CAMK1D: variants seen among roughly 807,000 people sequenced by gnomAD.
CAMK1D encodes calcium/calmodulin dependent protein kinase ID.
A neutral mutation model predicts 47.7 loss-of-function variants in CAMK1D; 9 were observed. That is an observed-to-expected ratio of 0.19 (90% CI 0.11 to 0.33). The LOEUF (loss-of-function observed/expected upper bound fraction) is 0.33. Ranked by LOEUF, CAMK1D falls within the 10% of genes least tolerant of loss-of-function variation. The pLI is 1.00. For missense variants in CAMK1D, 291 were observed against 488.7 expected (o/e 0.60, Z 3.81); for synonymous variants, 184 against 184.9 (o/e 0.99, Z 0.04).
chr10:12,718,690 A>T lies in CAMK1D; in HGVS notation c.300-42258A>T, dbSNP rs78591815. On this transcript the variant is annotated intron_variant, in intron 3 of 10. Coordinates refer to ENST00000619168, the MANE Select transcript of CAMK1D (RefSeq NM_153498.4). Reference sequence around the variant, plus strand: ...TTTAATGATTTAAAAACAGGTTATGATACAAGATCTTCAAAATGGTTTTAC... The same window carrying T: ...TTTAATGATTTAAAAACAGGTTATGTTACAAGATCTTCAAAATGGTTTTAC... 5.4e-3 allele frequency among the ~76,000 whole-genome samples: 816 copies of T among 152,298 alleles called. 8 individuals carry two copies. Among genetic ancestry groups the T allele is most frequent in the African/African-American group, 0.018 (740 of 41,556 alleles).
intron 2 of CAMK1D, among the ~76,000 whole-genome samples, chr10:12,619,057 GC>G (rs1179761166): frequency 1.3e-5 from 2 of 152,174 alleles, no homozygotes; most frequent in Non-Finnish European, 2.9e-5. Context: ...TTTTAAAGAA[GC>G]CATTGAATCT....
At chr10:12,550,651 C>G (rs1836547048) in intron 1 of CAMK1D, among the ~76,000 whole-genome samples, 1 of 152,158 alleles carries the variant, frequency 6.6e-6, no homozygotes. Context: ...GATGATTGTT[C>G]TGGCAGGTTC....
chr10:12,659,795 G>A (rs1029192203), intron 2 of CAMK1D, among the ~76,000 whole-genome samples: 48 of 152,198 alleles, frequency 3.2e-4, no homozygotes, highest in African/African-American at 1.1e-3. Flanking sequence ...AGCTTTCTGG[G>A]CTGCTTAGAG....
At position 12,766,622 on chromosome 10, in the gene CAMK1D, G is replaced by A. The variant is rs181618696; in HGVS notation, c.439-3051G>A. 3.6e-3 allele frequency among the ~76,000 whole-genome samples: 546 copies of A among 152,002 alleles called. 3 individuals carry two copies. Among genetic ancestry groups the A allele is most frequent in the African/African-American group, 0.013 (524 of 41,438 alleles). On this transcript the variant is annotated intron_variant, in intron 4 of 10. Transcript: ENST00000619168. The stretch of plus-strand genomic sequence containing the variant: ...ATAATAATTTATTGGGCTGCTTTTT[G>A]TTAGAAGGGAAGCCTTGCCGAGGAC...
intron 2 of CAMK1D, among the ~76,000 whole-genome samples, chr10:12,648,856 TATA>T (rs1175075025): frequency 1.3e-5 from 2 of 152,176 alleles, no homozygotes; most frequent in Non-Finnish European, 2.9e-5. Context: ...AGAGATTTTG[TATA>T]ATAGGCATCT....
chr10:12,819,238 A>C (rs187138968), intron 8 of CAMK1D, among the ~76,000 whole-genome samples: 22 of 152,324 alleles, frequency 1.4e-4, no homozygotes, highest in Non-Finnish European at 2.6e-4. Context: ...ACACCATGAG[A>C]AGGCTTGCCC....
intron 1 of CAMK1D, among the ~76,000 whole-genome samples, chr10:12,430,383 C>T (rs1363134634): frequency 6.6e-6 from 1 of 152,228 alleles, no homozygotes; most frequent in South Asian, 2.1e-4. Flanking sequence ...TCTGTGGGTC[C>T]TTTGGCCTCC....
chr10:12,654,878 T>G (rs1458575341), intron 2 of CAMK1D, among the ~76,000 whole-genome samples: 1 of 152,202 alleles, frequency 6.6e-6, no homozygotes, highest in Non-Finnish European at 1.5e-5. Context: ...TACCAGTGGT[T>G]CTCAAACTTG....
At chr10:12,605,565 C>T (rs1275208032) in intron 2 of CAMK1D, among the ~76,000 whole-genome samples, 2 of 152,136 alleles carry the variant, frequency 1.3e-5, no homozygotes, top group African/African-American at 4.8e-5. Context: ...CCACCCTCTT[C>T]TCTGTGATCC....
chr10:12,570,410 G>A (rs988978253), intron 2 of CAMK1D, among the ~76,000 whole-genome samples: 3 of 151,776 alleles, frequency 2.0e-5, no homozygotes, highest in Non-Finnish European at 2.9e-5. Flanking sequence ...TGGGCGCAGT[G>A]GCTCACACCT....
At chr10:12,515,102 A>G (rs1835153064) in intron 1 of CAMK1D, among the ~76,000 whole-genome samples, 2 of 151,656 alleles carry the variant, frequency 1.3e-5, no homozygotes, top group African/African-American at 4.9e-5. Flanking sequence ...ACCTCAGGTG[A>G]TCCACCCCCC....
intron 3 of CAMK1D, among the ~76,000 whole-genome samples, chr10:12,691,637 T>C (rs1024871497): frequency 2.0e-5 from 3 of 151,590 alleles, no homozygotes; most frequent in Non-Finnish European, 4.4e-5. Context: ...GGTTTCACCA[T>C]ATTGGCCAGG....
intron 2 of CAMK1D, among the ~76,000 whole-genome samples, chr10:12,588,866 A>G (rs4747992): frequency 0.18 from 26,189 of 144,314 alleles, 2,451 homozygotes; most frequent in South Asian, 0.33. Context: ...ATATGTATAT[A>G]TGTGTGTGTG....
intron 2 of CAMK1D, among the ~76,000 whole-genome samples, chr10:12,577,954 A>C (rs963633901): frequency 4.6e-5 from 7 of 152,234 alleles, no homozygotes; most frequent in Admixed American, 4.6e-4. Context: ...ATTGGTATTC[A>C]ATGCTAACAG....
chr10:12,767,629 T>A (rs1440889499), intron 4 of CAMK1D, among the ~76,000 whole-genome samples: 4 of 152,306 alleles, frequency 2.6e-5, no homozygotes, highest in African/African-American at 4.8e-5. Flanking sequence ...AATCAGTATG[T>A]GTAAGATGTA....
chr10:12,454,707 C>G (rs1393121810), intron 1 of CAMK1D, among the ~76,000 whole-genome samples: 1 of 151,248 alleles, frequency 6.6e-6, no homozygotes, highest in East Asian at 2.0e-4. Flanking sequence ...AAGTGATCCT[C>G]CTGCCTCAGC....
At chr10:12,678,476 T>C (rs1262754861) in intron 3 of CAMK1D, among the ~76,000 whole-genome samples, 1 of 152,238 alleles carries the variant, frequency 6.6e-6, no homozygotes, top group Non-Finnish European at 1.5e-5. Flanking sequence ...TTGGATGAAG[T>C]GCTCTGCATA....
chr10:12,606,432 G>A (rs1038134258), intron 2 of CAMK1D, among the ~76,000 whole-genome samples: 1 of 152,206 alleles, frequency 6.6e-6, no homozygotes, highest in Non-Finnish European at 1.5e-5. Flanking sequence ...AAAATCAGTC[G>A]ATGGGGCTTG....
At chr10:12,573,002 A>G (rs576885024) in intron 2 of CAMK1D, among the ~76,000 whole-genome samples, 1 of 152,354 alleles carries the variant, frequency 6.6e-6, no homozygotes, top group African/African-American at 2.4e-5. Flanking sequence ...TAGGAGGTCA[A>G]CAGGAGGGAG....
Sources: allele counts gnomAD v4.1 joint callset (sites outside exome capture counted in the v4.1 genomes callset), GRCh38; gene constraint gnomAD v4.1.1; transcripts MANE v1.5; gene names NCBI Gene and HGNC (gene_info 2026-07-23, HGNC 2026-07-21).